PTPRT: variants seen among roughly 807,000 people sequenced by gnomAD.
PTPRT encodes protein tyrosine phosphatase receptor type T.
In PTPRT, 56 loss-of-function variants were observed where a neutral mutation model predicts 176.8. The observed-to-expected ratio is 0.32, with a 90% confidence interval of 0.26 to 0.40. The LOEUF (loss-of-function observed/expected upper bound fraction) is 0.40, where lower values mean the gene tolerates loss of function less well. Among genes scored for constraint, PTPRT ranks in the 10% least tolerant of loss-of-function variants. PTPRT has a pLI of 1.00. For synonymous variants in PTPRT, 783 were observed against 739.0 expected, an observed-to-expected ratio of 1.06 and a Z score of -0.96; for missense variants, 1,540 against 1,908.2, an observed-to-expected ratio of 0.81 and a Z score of 3.60.
intron 6 of PTPRT, among the ~76,000 whole-genome samples, chr20:42,735,511 T>TAA (rs879467490): frequency 6.8e-6 from 1 of 147,640 alleles, no homozygotes; most frequent in Non-Finnish European, 1.5e-5. Context: ...TATTTTTCTT[T>TAA]AAAAAAAAAA....
At chr20:42,493,274 G>T (rs1346363636) in intron 7 of PTPRT, among the ~76,000 whole-genome samples, 2 of 152,076 alleles carry the variant, frequency 1.3e-5, no homozygotes, top group Non-Finnish European at 2.9e-5. Context: ...GTGCAGATTT[G>T]TGTTCTAAGT....
intron 7 of PTPRT, among the ~76,000 whole-genome samples, chr20:42,629,498 G>T (rs2074363732): frequency 6.6e-6 from 1 of 152,126 alleles, no homozygotes; most frequent in African/African-American, 2.4e-5. Flanking sequence ...CTACACAATG[G>T]GATCTGGTGG....
intron 9 of PTPRT, among the ~76,000 whole-genome samples, chr20:42,393,686 A>G (rs895753021): frequency 1.3e-5 from 2 of 152,228 alleles, no homozygotes; most frequent in Non-Finnish European, 2.9e-5. Flanking sequence ...TAACATGTCT[A>G]AAACTGAGCT....
intron 13 of PTPRT, among the ~76,000 whole-genome samples, chr20:42,268,254 G>C (rs1255140362): frequency 2.6e-5 from 4 of 152,138 alleles, no homozygotes; most frequent in Non-Finnish European, 5.9e-5. Context: ...GAAACGTGTG[G>C]AAATAAATGG....
chr20:42,482,609 G>A (rs1279659363), intron 7 of PTPRT, among the ~76,000 whole-genome samples: 1 of 152,098 alleles, frequency 6.6e-6, no homozygotes, highest in Non-Finnish European at 1.5e-5. Context: ...AGATAAATCA[G>A]AAAAGTATGT....
intron 7 of PTPRT, among the ~76,000 whole-genome samples, chr20:42,609,012 C>A (rs1455512323): frequency 6.6e-6 from 1 of 152,086 alleles, no homozygotes; most frequent in Non-Finnish European, 1.5e-5. Flanking sequence ...AGTTTGAATA[C>A]CCTAGTCCCA....
intron 7 of PTPRT, among the ~76,000 whole-genome samples, chr20:42,619,550 C>A (rs1362996698): frequency 6.8e-5 from 9 of 132,714 alleles, no homozygotes; most frequent in Non-Finnish European, 1.4e-4. Context: ...CAACTTGGTT[C>A]CATTCTCCCT....
At chr20:42,761,997 G>C (rs1487848130) in intron 5 of PTPRT, among the ~76,000 whole-genome samples, 1 of 152,154 alleles carries the variant, frequency 6.6e-6, no homozygotes, top group Non-Finnish European at 1.5e-5. Context: ...TTTGTTCAAA[G>C]AATATCTAAT....
rs1189826014 is a variant in PTPRT at position 42,110,372 on chromosome 20, A to G, written c.3215T>C (p.Leu1072Pro). The change falls in exon 23 of 31, where the codon CTC becomes CCC. Residue 1072 changes from leucine (L) to proline (P), a missense_variant. Physicochemically the swap from Leu to Pro is moderately conservative, Grantham distance 98. Around this residue, in one of 11 missense-constraint regions of PTPRT, gnomAD observed 248 missense variants for 356.7 expected, o/e 0.70. Coordinates refer to ENST00000373187, the MANE Select transcript of PTPRT (RefSeq NM_007050.6). ...LLGFVRQVKF[L>P]NPPEAGPIVV... is the part of the protein sequence containing the mutation. ...TATGGGCCCAGCTTCCGGGGGGTTG[A>G]GGAACTTGACCTGGCGGACGAAGCC... 6.2e-7 allele frequency: 1 copy of G among 1,612,826 alleles called. No individual in the cohort carries two copies. Among genetic ancestry groups the G allele is most frequent in the African/African-American group, 1.3e-5 (1 of 75,034 alleles).
intron 27 of PTPRT, among the ~76,000 whole-genome samples, chr20:42,094,716 C>T (rs1408362979): frequency 6.6e-6 from 1 of 152,140 alleles, no homozygotes; most frequent in African/African-American, 2.4e-5. Context: ...ATTGGGAAAC[C>T]CCATCTCTAC....
intron 14 of PTPRT, among the ~76,000 whole-genome samples, chr20:42,242,631 T>C (rs905657646): frequency 1.3e-5 from 2 of 152,154 alleles, no homozygotes; most frequent in Non-Finnish European, 2.9e-5. Flanking sequence ...AAGAAGAAAG[T>C]TCGTAAGCAA....
intron 1 of PTPRT, among the ~76,000 whole-genome samples, chr20:43,016,552 C>CTTTT (rs11482189): frequency 1.2e-4 from 9 of 76,218 alleles, no homozygotes; most frequent in East Asian, 3.5e-4. Context: ...TCTAAGGCCA[C>CTTTT]TTTTTTTTTT....
intron 6 of PTPRT, among the ~76,000 whole-genome samples, chr20:42,699,966 C>T (rs971156531): frequency 2.6e-5 from 4 of 152,136 alleles, no homozygotes; most frequent in African/African-American, 9.7e-5. Flanking sequence ...GTGTCATGTG[C>T]CGCTTTCCTA....
chr20:42,072,353 A>C (rs1982385516), downstream of PTPRT, among the ~76,000 whole-genome samples: 1 of 152,174 alleles, frequency 6.6e-6, no homozygotes, highest in Non-Finnish European at 1.5e-5. Flanking sequence ...TTTTCTTTCA[A>C]GTTACTGAGT....
chr20:42,307,274 A>G (rs1290601428), intron 12 of PTPRT, among the ~76,000 whole-genome samples: 1 of 152,122 alleles, frequency 6.6e-6, no homozygotes, highest in Non-Finnish European at 1.5e-5. Flanking sequence ...TATTTGCCAC[A>G]TTTTTCTTTC....
chr20:42,797,390 C>T (rs759466286), intron 2 of PTPRT, among the ~76,000 whole-genome samples: 11 of 152,172 alleles, frequency 7.2e-5, no homozygotes, highest in African/African-American at 1.4e-4. Context: ...CAAAGCCAAC[C>T]GTGACATGTT....
intron 7 of PTPRT, among the ~76,000 whole-genome samples, chr20:42,606,122 T>C (rs1215865070): frequency 6.6e-6 from 1 of 152,182 alleles, no homozygotes; most frequent in Non-Finnish European, 1.5e-5. Flanking sequence ...GTGAGCCCCG[T>C]TGGCTCTTCT....
intron 2 of PTPRT, among the ~76,000 whole-genome samples, chr20:42,798,462 C>T (rs74487029): frequency 0.081 from 12,273 of 152,124 alleles, 507 homozygotes; most frequent in South Asian, 0.19. Flanking sequence ...CAATTGCAAA[C>T]ATAACAATAG....
chr20:42,418,526 A>C (rs912567051), intron 9 of PTPRT, among the ~76,000 whole-genome samples: 2 of 152,204 alleles, frequency 1.3e-5, no homozygotes, highest in African/African-American at 4.8e-5. Context: ...CATGGAAAAA[A>C]ATTTAATCTA....
Sources: allele counts gnomAD v4.1 joint callset (sites outside exome capture counted in the v4.1 genomes callset), GRCh38; gene constraint gnomAD v4.1.1; regional missense constraint gnomAD v4.1.1; transcripts MANE v1.5; gene names NCBI Gene and HGNC (gene_info 2026-07-23, HGNC 2026-07-21).